The following WNT7B variants were observed in gnomAD, a reference collection of about 807,000 sequenced individuals.
The protein encoded by WNT7B is protein Wnt-7b.
WNT7B carries 19 observed loss-of-function variants against 38.2 expected under a neutral mutation model. The ratio of observed to expected loss-of-function variants is 0.50; its 90% CI spans 0.35 to 0.73. The LOEUF (loss-of-function observed/expected upper bound fraction) is 0.73, where lower values mean the gene tolerates loss of function less well. WNT7B is among the 30% of genes least tolerant of loss of function. The pLI, the probability that WNT7B is intolerant of heterozygous loss-of-function variation, is 0.01. For synonymous variants in WNT7B, 243 were observed against 209.3 expected (o/e 1.16, Z -1.39); for missense variants, 423 against 507.9 (o/e 0.83, Z 1.61).
intron 2 of WNT7B, among the ~76,000 whole-genome samples, chr22:45,939,913 T>C (rs999379120): frequency 6.6e-6 from 1 of 152,154 alleles, no homozygotes; most frequent in African/African-American, 2.4e-5. Context: ...TCCATTTCTA[T>C]GAAATGCCCA....
chr22:45,938,179 A>G (rs1240850800), intron 2 of WNT7B, among the ~76,000 whole-genome samples: 1 of 152,218 alleles, frequency 6.6e-6, no homozygotes, highest in Non-Finnish European at 1.5e-5. Flanking sequence ...AGTGGCACGC[A>G]GGTCATCATG....
chr22:45,926,585 C>G (rs1277323430), intron 3 of WNT7B: 2 of 985,296 alleles, frequency 2.0e-6, no homozygotes, highest in Admixed American at 6.1e-5. Flanking sequence ...ATTCCGGCCA[C>G]TGGGGCCGAC....
chr22:45,943,959 G>A (rs73446510), intron 2 of WNT7B, among the ~76,000 whole-genome samples: 3,331 of 152,174 alleles, frequency 0.022, 143 homozygotes, highest in African/African-American at 0.077. Context: ...CTTTGCCCAC[G>A]GAACCCACGT....
chr22:45,950,670 C>T (rs1300223039), intron 1 of WNT7B, among the ~76,000 whole-genome samples: 3 of 152,208 alleles, frequency 2.0e-5, no homozygotes, highest in African/African-American at 4.8e-5. Flanking sequence ...ACTCCAGCTC[C>T]GACCTGTGTG....
chr22:45,922,585 C>T lies in WNT7B; in HGVS notation c.*271G>A, dbSNP rs761534003. 3.0e-5 allele frequency: 15 copies of T among 497,930 alleles called. No homozygotes were observed. Among genetic ancestry groups the T allele is most frequent in the Admixed American group, 1.4e-4 (4 of 27,716 alleles). 30.8% of individuals were successfully genotyped at this position (497,930 alleles called of 1,614,324 possible). A position where few individuals can be genotyped will look rare whatever the true frequency, so the allele number is the denominator to read the frequency against. ...AGAAAGAGAACTTGCCGGGCCCCGTCGGGGAGCACCAAGACCCCTGGCCTT... is the reference window on the plus strand; with the variant it reads ...AGAAAGAGAACTTGCCGGGCCCCGTTGGGGAGCACCAAGACCCCTGGCCTT... On this transcript the variant is annotated 3_prime_UTR_variant, in exon 4 of 4. Coordinates refer to ENST00000339464, the MANE Select transcript of WNT7B (RefSeq NM_058238.3).
At chr22:45,964,409 C>T (rs1033507091) in intron 1 of WNT7B, among the ~76,000 whole-genome samples, 3 of 152,120 alleles carry the variant, frequency 2.0e-5, no homozygotes, top group African/African-American at 2.4e-5. Flanking sequence ...GAGTGTGGCC[C>T]CTGCAGGCCA....
At chr22:45,929,914 A>ACCCAC (rs1569111577) in intron 3 of WNT7B, among the ~76,000 whole-genome samples, 4 of 71,468 alleles carry the variant, frequency 5.6e-5, no homozygotes, top group African/African-American at 2.0e-4. Context: ...CTACCCATCC[A>ACCCAC]TCTATCCTCC....
chr22:45,945,992 G>A (rs1030932463), intron 2 of WNT7B, among the ~76,000 whole-genome samples: 3 of 152,250 alleles, frequency 2.0e-5, no homozygotes, highest in Non-Finnish European at 4.4e-5. Flanking sequence ...GCTCAAGGGT[G>A]GGGCTAGGGG....
intron 2 of WNT7B, among the ~76,000 whole-genome samples, chr22:45,933,895 C>CTA (rs1336972109): frequency 9.2e-5 from 14 of 152,186 alleles, no homozygotes; most frequent in Admixed American, 2.6e-4. Flanking sequence ...GCAGGTGGCA[C>CTA]TTTCTGTCCA....
At chr22:45,935,593 C>G (rs1434526098) in intron 2 of WNT7B, among the ~76,000 whole-genome samples, 1 of 152,210 alleles carries the variant, frequency 6.6e-6, no homozygotes, top group African/African-American at 2.4e-5. Flanking sequence ...ACACCCTCCC[C>G]TGGGCTCTCA....
chr22:45,952,138 C>T (rs1478601316), intron 1 of WNT7B, among the ~76,000 whole-genome samples: 3 of 152,206 alleles, frequency 2.0e-5, no homozygotes, highest in Admixed American at 6.5e-5. Flanking sequence ...GGGGGGACCG[C>T]CGGGGGCTCC....
chr22:45,953,724 A>T (rs771791581), intron 1 of WNT7B, among the ~76,000 whole-genome samples: 6 of 34,778 alleles, frequency 1.7e-4, no homozygotes, highest in African/African-American at 4.7e-4. Flanking sequence ...GCTATGATTT[A>T]AAAAAAAAAA....
Position 45,923,023 on chromosome 22 carries a change from T to A in WNT7B, c.883A>T (p.Asn295Tyr), listed in dbSNP as rs753490171. Residue 295 changes from asparagine (N) to tyrosine (Y), a missense_variant, in exon 4 of 4, where the codon AAC becomes TAC. Coordinates refer to ENST00000339464, the MANE Select transcript of WNT7B (RefSeq NM_058238.3). The stretch of plus-strand genomic sequence containing the variant: ...CCGTCCGCGCCGGGCGACGTGCGGT[T>A]GCAGAGACGGCCCTGCGTGCCCACG... ...GSVGTQGRLCNRTSPGADGCD... is the reference protein window; with the variant it reads ...GSVGTQGRLCYRTSPGADGCD... The A allele has an allele frequency of 6.2e-7, 1 of 1,612,898 alleles. No individual in the cohort carries two copies. Among genetic ancestry groups the A allele is most frequent in the East Asian group, 2.2e-5 (1 of 44,854 alleles).
At position 45,975,553 on chromosome 22, in the gene WNT7B, TGGC is replaced by T; in HGVS notation, c.71+1128_71+1130del. 1 of 717,016 alleles carries T rather than the reference TGGC, an allele frequency of 1.4e-6. No individual in the cohort carries two copies. The highest frequency in any genetic ancestry group is 2.6e-6 in the Non-Finnish European group (1 of 384,794). 44.4% of individuals were successfully genotyped at this position (717,016 alleles called of 1,614,324 possible). A position where few individuals can be genotyped will look rare whatever the true frequency, so the allele number is the denominator to read the frequency against. On this transcript the variant is annotated intron_variant, in intron 1 of 3. Coordinates refer to ENST00000339464, the MANE Select transcript of WNT7B (RefSeq NM_058238.3). This position sits in a 1 kb window ranked among gnomAD's most constrained non-coding sequence, Gnocchi z 6.6. ...GGCCTCAGTTTCTCCACCTGTAAAATGGCGGGGCAGACATGGGATGGAGGGTGA... is the reference window on the plus strand; with the variant it reads ...GGCCTCAGTTTCTCCACCTGTAAAATGGGGCAGACATGGGATGGAGGGTGA...
chr22:45,961,001 G>C (rs545926445), intron 1 of WNT7B, among the ~76,000 whole-genome samples: 27 of 152,322 alleles, frequency 1.8e-4, no homozygotes, highest in African/African-American at 5.8e-4. Flanking sequence ...GACCCCATGA[G>C]CCACAGGCTG....
intron 2 of WNT7B, among the ~76,000 whole-genome samples, chr22:45,940,842 G>A (rs1438089583): frequency 6.6e-6 from 1 of 152,232 alleles, no homozygotes; most frequent in Non-Finnish European, 1.5e-5. Context: ...CACAGGTTCA[G>A]GGAACAGTGC....
At chr22:45,934,039 C>T (rs1043967405) in intron 2 of WNT7B, among the ~76,000 whole-genome samples, 18 of 152,372 alleles carry the variant, frequency 1.2e-4, no homozygotes, top group Admixed American at 9.1e-4. Flanking sequence ...TCTCCACATG[C>T]GCCGGGCGCA....
chr22:45,957,291 A>G (rs1932088668), intron 1 of WNT7B, among the ~76,000 whole-genome samples: 1 of 152,140 alleles, frequency 6.6e-6, no homozygotes, highest in African/African-American at 2.4e-5. Flanking sequence ...CATAAGTTAT[A>G]TCTCAGCATA....
chr22:45,969,098 C>T (rs551941558), intron 1 of WNT7B, among the ~76,000 whole-genome samples: 40 of 152,246 alleles, frequency 2.6e-4, no homozygotes, highest in Non-Finnish European at 4.9e-4. Context: ...TCCTCCCCCT[C>T]GAGGGTCATG....
Sources: allele counts gnomAD v4.1 joint callset (sites outside exome capture counted in the v4.1 genomes callset), GRCh38; gene constraint gnomAD v4.1.1; non-coding constraint Gnocchi (gnomAD v3.1); transcripts MANE v1.5; gene names NCBI Gene and HGNC (gene_info 2026-07-23, HGNC 2026-07-21).